Variants in WWOX observed in about 807,000 individuals in gnomAD.
The protein encoded by WWOX is WW domain-containing oxidoreductase.
WWOX carries 69 observed loss-of-function variants against 46.2 expected under a neutral mutation model. The ratio of observed to expected loss-of-function variants is 1.49; its 90% CI spans 1.23 to 1.82. WWOX has a LOEUF of 1.82. Among genes scored for constraint, WWOX ranks in the 40% most tolerant of loss-of-function variants. WWOX has a pLI of 0.00. For synonymous variants in WWOX, 359 were observed against 202.6 expected, an observed-to-expected ratio of 1.77 and a Z score of -6.56; for missense variants, 919 against 542.6, an observed-to-expected ratio of 1.69 and a Z score of -6.89.
chr16:78,308,788 A>G (rs1035288760), intron 5 of WWOX, among the ~76,000 whole-genome samples: 1 of 152,128 alleles, frequency 6.6e-6, no homozygotes, highest in African/African-American at 2.4e-5. Flanking sequence ...TTGTGGACTT[A>G]TCTTAACCCA....
chr16:78,927,042 C>T (rs536970946), intron 8 of WWOX, among the ~76,000 whole-genome samples: 9 of 152,324 alleles, frequency 5.9e-5, no homozygotes, highest in African/African-American at 1.2e-4. Flanking sequence ...GCCATCCACC[C>T]GCCTTGGCCT....
At chr16:79,209,605 C>T (rs965129313) in intron 8 of WWOX, among the ~76,000 whole-genome samples, 12 of 152,170 alleles carry the variant, frequency 7.9e-5, no homozygotes, top group African/African-American at 2.9e-4. Context: ...GTCGTTTTGG[C>T]AGCTGCAAGG....
At chr16:78,542,075 C>A (rs1472947459) in intron 8 of WWOX, among the ~76,000 whole-genome samples, 2 of 142,838 alleles carry the variant, frequency 1.4e-5, no homozygotes. Context: ...AGCTTAGGAC[C>A]TGGACTTAAT....
At chr16:78,731,547 C>G (rs1052139665) in intron 8 of WWOX, among the ~76,000 whole-genome samples, 3 of 152,104 alleles carry the variant, frequency 2.0e-5, no homozygotes, top group African/African-American at 7.2e-5. Context: ...TTATCTATCC[C>G]TTTCTTACCT....
intron 8 of WWOX, among the ~76,000 whole-genome samples, chr16:78,448,749 T>G (rs994383624): frequency 8.5e-5 from 13 of 152,210 alleles, no homozygotes; most frequent in African/African-American, 3.1e-4. Context: ...TAATCATGTC[T>G]TCTCTTGAAA....
chr16:78,585,332 A>G (rs1461678107), intron 8 of WWOX, among the ~76,000 whole-genome samples: 1 of 152,088 alleles, frequency 6.6e-6, no homozygotes, highest in Non-Finnish European at 1.5e-5. Context: ...GGAGACCATC[A>G]CCCTGGCTGC....
intron 4 of WWOX, among the ~76,000 whole-genome samples, chr16:78,135,054 G>T (rs2033740300): frequency 6.6e-6 from 1 of 152,180 alleles, no homozygotes; most frequent in African/African-American, 2.4e-5. Flanking sequence ...CCATAACAAT[G>T]CAGTCCCTGC....
intron 8 of WWOX, among the ~76,000 whole-genome samples, chr16:78,680,457 C>T (rs2047702671): frequency 6.6e-6 from 1 of 152,080 alleles, no homozygotes. Context: ...TCGCTTGAGC[C>T]CCGGGAGGTA....
chr16:78,718,110 C>G (rs111743599), intron 8 of WWOX, among the ~76,000 whole-genome samples: 5 of 54,576 alleles, frequency 9.2e-5, no homozygotes, highest in Non-Finnish European at 1.7e-4. Flanking sequence ...TTTGCCTCAA[C>G]GGTTATTTAT....
chr16:78,840,408 G>C (rs1456651061), intron 8 of WWOX, among the ~76,000 whole-genome samples: 2 of 152,168 alleles, frequency 1.3e-5, no homozygotes, highest in Non-Finnish European at 2.9e-5. Flanking sequence ...TAGGCCCACA[G>C]TCAATGCAAA....
chr16:79,200,598 ACT>A (rs1280906793), intron 8 of WWOX, among the ~76,000 whole-genome samples: 1 of 151,194 alleles, frequency 6.6e-6, no homozygotes, highest in African/African-American at 2.4e-5. Context: ...CACCTAAGAG[ACT>A]CTCAGTAACC....
At chr16:78,420,752 T>C (rs1247076446) in intron 6 of WWOX, among the ~76,000 whole-genome samples, 1 of 151,718 alleles carries the variant, frequency 6.6e-6, no homozygotes, top group African/African-American at 2.4e-5. Context: ...ACAGTATACA[T>C]AGGTAGATTT....
At chr16:78,720,705 C>G (rs978390283) in intron 8 of WWOX, among the ~76,000 whole-genome samples, 1 of 152,012 alleles carries the variant, frequency 6.6e-6, no homozygotes, top group Admixed American at 6.6e-5. Context: ...ATTCTGCAAG[C>G]GTGGTTTACA....
chr16:78,806,141 A>C (rs573073664), intron 8 of WWOX, among the ~76,000 whole-genome samples: 9 of 152,312 alleles, frequency 5.9e-5, no homozygotes, highest in East Asian at 3.9e-4. Flanking sequence ...CTTTTCTTTC[A>C]AATGTTTCAC....
chr16:78,514,685 A>G (rs1254379790), intron 8 of WWOX, among the ~76,000 whole-genome samples: 2 of 152,208 alleles, frequency 1.3e-5, no homozygotes, highest in Non-Finnish European at 2.9e-5. Flanking sequence ...CTGGCAATTT[A>G]TTATTAAGTG....
chr16:78,997,957 A>G (rs553943693), intron 8 of WWOX, among the ~76,000 whole-genome samples: 1 of 152,102 alleles, frequency 6.6e-6, no homozygotes, highest in South Asian at 2.1e-4. Flanking sequence ...GCTCACAGCA[A>G]TCTCTGCCTC....
chr16:78,578,537 C>T (rs888714238), intron 8 of WWOX, among the ~76,000 whole-genome samples: 3 of 151,706 alleles, frequency 2.0e-5, no homozygotes, highest in African/African-American at 7.3e-5. Flanking sequence ...ATTCACCTGC[C>T]TTGGCCTCCC....
intron 5 of WWOX, among the ~76,000 whole-genome samples, chr16:78,252,979 C>G (rs542533225): frequency 6.6e-6 from 1 of 152,302 alleles, no homozygotes; most frequent in South Asian, 2.1e-4. Context: ...GATAGAAACG[C>G]AAACAGTGGC....
chr16:78,163,742 C>G lies in WWOX; in HGVS notation c.410-441C>G, dbSNP rs149507196. On this transcript the variant is annotated intron_variant, in intron 4 of 8. Transcript: ENST00000566780. ...GGTAGAAGCAGAGGTGCTGGCGACA[C>G]TTACCATAGAGTAGAGCATAAAGTC... 5.4e-3 allele frequency among the ~76,000 whole-genome samples: 824 copies of G among 152,320 alleles called. 3 individuals are homozygous for G. The highest frequency in any genetic ancestry group is 0.024 in the Middle Eastern group (7 of 294).
Sources: allele counts gnomAD v4.1 joint callset (sites outside exome capture counted in the v4.1 genomes callset), GRCh38; gene constraint gnomAD v4.1.1; transcripts MANE v1.5; gene names NCBI Gene and HGNC (gene_info 2026-07-23, HGNC 2026-07-21).